Variants in CNOT6 observed in about 807,000 individuals in gnomAD.
CNOT6 encodes the protein carbon catabolite repression 4 protein.
Under a neutral mutation model 61.2 loss-of-function variants are expected in CNOT6, and 12 were observed. That is an observed-to-expected ratio of 0.20 (90% CI 0.13 to 0.32). CNOT6 has a LOEUF of 0.32. Among genes scored for constraint, CNOT6 ranks in the 10% least tolerant of loss-of-function variants. CNOT6 has a pLI of 1.00. For synonymous variants in CNOT6, 225 were observed against 240.6 expected (o/e 0.94, Z 0.60); for missense variants, 405 against 663.9 (o/e 0.61, Z 4.28).
chr5:180,548,644 C>T (rs902837380), intron 2 of CNOT6, among the ~76,000 whole-genome samples: 3 of 152,180 alleles, frequency 2.0e-5, no homozygotes, highest in Admixed American at 6.5e-5. Flanking sequence ...GTTTGTTTCC[C>T]ACCCTTCAGG....
At chr5:180,566,256 G>A (rs1026154190) in intron 7 of CNOT6, among the ~76,000 whole-genome samples, 32 of 152,302 alleles carry the variant, frequency 2.1e-4, no homozygotes, top group African/African-American at 7.7e-4. Context: ...GAATTGGGTG[G>A]CAAAGTTACT....
intron 10 of CNOT6, among the ~76,000 whole-genome samples, chr5:180,569,928 T>C (rs1472585145): frequency 2.6e-5 from 4 of 152,218 alleles, no homozygotes; most frequent in Non-Finnish European, 4.4e-5. Flanking sequence ...AATAACAAAC[T>C]GTTTCTTTCT....
At chr5:180,534,081 G>A (rs1758544770) in intron 2 of CNOT6, 1 of 152,922 alleles carries the variant, frequency 6.5e-6, no homozygotes, top group Non-Finnish European at 1.5e-5. Flanking sequence ...CTCTATAGGG[G>A]GGTGGGAATT....
At chr5:180,570,323 A>C (rs1285745959) in intron 10 of CNOT6, among the ~76,000 whole-genome samples, 3 of 152,226 alleles carry the variant, frequency 2.0e-5, no homozygotes, top group Non-Finnish European at 2.9e-5. Context: ...GTACCACTGC[A>C]CTTCAGCCTG....
At chr5:180,558,535 A>G (rs1288774435) in intron 4 of CNOT6, among the ~76,000 whole-genome samples, 2 of 145,660 alleles carry the variant, frequency 1.4e-5, no homozygotes, top group African/African-American at 4.9e-5. Context: ...AAAACCTGCT[A>G]TTGCTTTTTA....
chr5:180,555,534 A>G (rs1305474538), intron 4 of CNOT6, among the ~76,000 whole-genome samples: 7 of 152,226 alleles, frequency 4.6e-5, no homozygotes, highest in South Asian at 2.1e-4. Context: ...CACATCTGTA[A>G]TAGCAGTCTT....
At position 180,576,756 on chromosome 5, in the gene CNOT6, C is replaced by T. The variant is rs1023647914; in HGVS notation, c.*2556C>T. On this transcript the variant is annotated 3_prime_UTR_variant, in exon 12 of 12. Coordinates refer to ENST00000261951, the MANE Select transcript of CNOT6 (RefSeq NM_001370472.1). ...AAGGTTTCATGTTTTAGATATTTTC[C>T]GTGTCCTAAATAATTTTCAATAATC... 3.9e-5 allele frequency: 6 copies of T among 152,028 alleles called. No homozygotes were observed. The highest frequency in any genetic ancestry group is 2.1e-4 in the South Asian group (1 of 4,816). The allele number at this position is 152,028 out of a possible 1,614,324, so 9.4% of individuals were successfully genotyped here.
intron 1 of CNOT6, among the ~76,000 whole-genome samples, chr5:180,503,666 C>T (rs534048127): frequency 4.7e-5 from 6 of 127,304 alleles, no homozygotes; most frequent in South Asian, 2.6e-4. Context: ...AGTGCAGGGG[C>T]GCCATCTTGG....
intron 2 of CNOT6, among the ~76,000 whole-genome samples, chr5:180,539,271 C>T (rs1758888980): frequency 6.7e-6 from 1 of 148,436 alleles, no homozygotes; most frequent in African/African-American, 2.5e-5. Context: ...AGAGTGAGAC[C>T]CTATCTCTTT....
chr5:180,510,507 C>T (rs903488273), intron 1 of CNOT6, among the ~76,000 whole-genome samples: 7 of 152,054 alleles, frequency 4.6e-5, no homozygotes, highest in African/African-American at 1.7e-4. Flanking sequence ...GAGGCACAGG[C>T]ACATATTTTT....
chr5:180,548,107 G>GT (rs1438650468), intron 2 of CNOT6, among the ~76,000 whole-genome samples: 1 of 152,144 alleles, frequency 6.6e-6, no homozygotes, highest in Admixed American at 6.6e-5. Flanking sequence ...TTTTTCTTGT[G>GT]TAATACCTTG....
At chr5:180,573,552 AGTGTGTGTGTGT>A (rs755954581) in intron 11 of CNOT6, among the ~76,000 whole-genome samples, 15 of 119,164 alleles carry the variant, frequency 1.3e-4, no homozygotes, top group African/African-American at 3.2e-4. Context: ...GGAGGGGGGC[AGTGTGTGTGTGT>A]GTGTGTGTGT....
intron 4 of CNOT6, among the ~76,000 whole-genome samples, chr5:180,561,172 C>T (rs1244531292): frequency 1.3e-5 from 2 of 152,094 alleles, no homozygotes; most frequent in East Asian, 3.9e-4. Context: ...AAGCTGGTCT[C>T]GAACTCCTGG....
intron 2 of CNOT6, among the ~76,000 whole-genome samples, chr5:180,538,317 G>A (rs1015695506): frequency 6.6e-5 from 10 of 151,428 alleles, no homozygotes; most frequent in Non-Finnish European, 1.5e-4. Context: ...GGGATGACAG[G>A]CGTGAGCCAC....
At position 180,556,758 on chromosome 5, in the gene CNOT6, C is replaced by CT. The variant is rs1759914511; in HGVS notation, c.385+3288dup. Among the ~76,000 whole-genome samples the CT allele has an allele frequency of 2.6e-5, 4 of 152,168 alleles. No homozygotes were observed. The South Asian group carries it at 8.3e-4, about 32-fold the overall frequency. On this transcript the variant is annotated intron_variant, in intron 4 of 11. Coordinates refer to ENST00000261951, the MANE Select transcript of CNOT6 (RefSeq NM_001370472.1). The stretch of plus-strand genomic sequence containing the variant: ...ACGAGGTCAGGGGATCGAGACCATC[C>CT]TGGCTAACATGGTGAAACCCCGTCA...
chr5:180,556,084 ATAGTAGCATCTTT>A (rs1310765847), intron 4 of CNOT6, among the ~76,000 whole-genome samples: 1 of 152,190 alleles, frequency 6.6e-6, no homozygotes, highest in Admixed American at 6.5e-5. Flanking sequence ...ACTCCCTCCA[ATAGTAGCATCTTT>A]CAAAACTATA....
chr5:180,511,646 G>T (rs1343002225), intron 1 of CNOT6, among the ~76,000 whole-genome samples: 1 of 151,944 alleles, frequency 6.6e-6, no homozygotes, highest in Non-Finnish European at 1.5e-5. Flanking sequence ...TGCACCTGTA[G>T]TTCAGCTACT....
rs1378816002 is a variant in CNOT6, at chr5:180,565,841, A to G, written c.581A>G (p.Tyr194Cys). ...RPTALFSVMC[Y>C]NVLCDKYATR... is the part of the protein sequence containing the mutation. ...ACAGCCTTGTTTTCTGTCATGTGCT[A>G]TAATGTTCTTTGTGATAAATATGCG... The change falls in exon 7 of 12, where the codon TAT becomes TGT. Residue 194 changes from tyrosine to cysteine, a missense_variant. Tyr to Cys is a radical substitution (Grantham distance 194). Around this residue, in one of 5 missense-constraint regions of CNOT6, gnomAD observed 212 missense variants for 307.1 expected, o/e 0.69. Transcript: ENST00000261951. 1.9e-6 allele frequency: 3 copies of G among 1,611,904 alleles called. No individual in the cohort carries two copies. The highest frequency in any genetic ancestry group is 2.2e-5 in the East Asian group (1 of 44,824).
intron 4 of CNOT6, among the ~76,000 whole-genome samples, chr5:180,556,792 A>ATT (rs1178803317): frequency 6.6e-6 from 1 of 152,150 alleles, no homozygotes. Flanking sequence ...CACTACTAAA[A>ATT]ATACAAAAAC....
Sources: allele counts gnomAD v4.1 joint callset (sites outside exome capture counted in the v4.1 genomes callset), GRCh38; gene constraint gnomAD v4.1.1; regional missense constraint gnomAD v4.1.1; transcripts MANE v1.5; gene names NCBI Gene and HGNC (gene_info 2026-07-23, HGNC 2026-07-21).